CEP97: variants seen among roughly 807,000 people sequenced by gnomAD.
CEP97 encodes centrosomal protein 97, also known as centrosomal protein of 97 kDa.
CEP97 carries 43 observed loss-of-function variants against 73.1 expected under a neutral mutation model. The observed-to-expected ratio is 0.59, with a 90% CI of 0.46 to 0.76. The LOEUF (loss-of-function observed/expected upper bound fraction) is 0.76, where lower values mean the gene tolerates loss of function less well. Ranked by LOEUF, CEP97 falls within the 30% of genes least tolerant of loss-of-function variation. CEP97 has a pLI of 0.00. For missense variants in CEP97, 939 were observed against 1,014.0 expected, an observed-to-expected ratio of 0.93 and a Z score of 1.00; for synonymous variants, 337 against 370.0, an observed-to-expected ratio of 0.91 and a Z score of 1.02.
At position 101,742,733 on chromosome 3, in the gene CEP97, T is replaced by A. The variant is rs1430399738; in HGVS notation, c.728+10079T>A. The stretch of plus-strand genomic sequence containing the variant: ...CAAGTATCCCAGAACTTAAAGTATT[T>A]AAAAAAAAAAAAAAAGTGTGGGAAG... On this transcript the variant is annotated intron_variant, in intron 6 of 10. Coordinates refer to ENST00000341893, the MANE Select transcript of CEP97 (RefSeq NM_024548.4). Among the ~76,000 whole-genome samples, 59 of 133,500 alleles carry A rather than the reference T, an allele frequency of 4.4e-4. No individual in the cohort carries two copies. In the South Asian group the frequency reaches 8.7e-3, roughly 20 times the overall value. The allele number at this position is 133,500 out of a possible 152,430, so 87.6% of individuals were successfully genotyped here.
Position 101,768,745 on chromosome 3 carries a change from G to A in CEP97, c.*3194G>A, listed in dbSNP as rs1206797441. 12 of 152,270 alleles carry A rather than the reference G, an allele frequency of 7.9e-5. No individual in the cohort carries two copies. The highest frequency in any genetic ancestry group is 7.2e-4 in the Admixed American group (11 of 15,298). 9.4% of individuals were successfully genotyped at this position (152,270 alleles called of 1,614,324 possible). On this transcript the variant is annotated 3_prime_UTR_variant, in exon 11 of 11. Coordinates refer to ENST00000341893, the MANE Select transcript of CEP97 (RefSeq NM_024548.4). The stretch of plus-strand genomic sequence containing the variant: ...TTATTTGACGACAGGCAGTATGACA[G>A]GTTGCTGAGGTATATAAAATTTTCT...
In CEP97 at chr3:101,758,398, G is replaced by A; in HGVS notation, c.1792G>A (p.Val598Ile). The stretch of plus-strand genomic sequence containing the variant: ...GCTACGCAGAATGCAAGAGCACATT[G>A]TCTGCTTAACTGATGAAATAAGGAG... ...IRLRRMQEHI[V>I]CLTDEIRRLR... Residue 598 changes from valine (V) to isoleucine (I), a missense_variant, in exon 9 of 11, where the codon GTC becomes ATC. By Grantham distance (29) the Val-to-Ile change is conservative (BLOSUM62 3). Transcript: ENST00000341893. 2 of 1,614,124 alleles carry A rather than the reference G, an allele frequency of 1.2e-6. No individual in the cohort carries two copies. The highest frequency in any genetic ancestry group is 1.7e-6 in the Non-Finnish European group (2 of 1,180,034).
At position 101,731,864 on chromosome 3, in the gene CEP97, ATCACCTC is replaced by A; in HGVS notation, c.475_481del (p.Thr159LeufsTer25). The A allele has an allele frequency of 6.2e-7, 1 of 1,603,834 alleles. No homozygotes were observed. Among genetic ancestry groups the A allele is most frequent in the Non-Finnish European group, 8.5e-7 (1 of 1,171,210 alleles). ...GACCCTGCTTTTACATGGAAACATCATCACCTCTCTTAGAATGGCACCTGCTTACCTA... is the reference window on the plus strand; with the variant it reads ...GACCCTGCTTTTACATGGAAACATCATCTTAGAATGGCACCTGCTTACCTA... On this transcript the variant is annotated frameshift_variant, in exon 5 of 11. Coordinates refer to ENST00000341893, the MANE Select transcript of CEP97 (RefSeq NM_024548.4). LOFTEE classifies it high-confidence loss of function.
At chr3:101,734,541 GTA>G (rs1938215657) in intron 6 of CEP97, among the ~76,000 whole-genome samples, 1 of 152,102 alleles carries the variant, frequency 6.6e-6, no homozygotes, top group Non-Finnish European at 1.5e-5. Flanking sequence ...CTGCTGTTTT[GTA>G]TAGTTTCTGA....
intron 4 of CEP97, among the ~76,000 whole-genome samples, chr3:101,729,204 G>A (rs546057841): frequency 6.6e-6 from 1 of 152,148 alleles, no homozygotes; most frequent in Non-Finnish European, 1.5e-5. Flanking sequence ...AATTAGTGGG[G>A]CATAGTGGTG....
intron 6 of CEP97, among the ~76,000 whole-genome samples, chr3:101,747,661 AT>A (rs978645930): frequency 6.7e-6 from 1 of 149,592 alleles, no homozygotes; most frequent in Non-Finnish European, 1.5e-5. Context: ...GGTTCAAGCA[AT>A]TCTCCTGCCT....
At position 101,761,221 on chromosome 3, in the gene CEP97, T is replaced by C. The variant is rs992309726; in HGVS notation, c.1818-1264T>C. The stretch of plus-strand genomic sequence containing the variant: ...AAGTGAAGGCAGGGGGGAAGGATCA[T>C]TGGACTGAAGGTCTAGATTGTTGCA... On this transcript the variant is annotated intron_variant, in intron 9 of 10. Coordinates refer to ENST00000341893, the MANE Select transcript of CEP97 (RefSeq NM_024548.4). Among the ~76,000 whole-genome samples, 13 of 152,092 alleles carry C rather than the reference T, an allele frequency of 8.5e-5. 1 individual carries two copies. The highest frequency in any genetic ancestry group is 1.9e-4 in the African/African-American group (8 of 41,424).
At chr3:101,751,274 G>C (rs1216776568) in intron 6 of CEP97, among the ~76,000 whole-genome samples, 1 of 152,208 alleles carries the variant, frequency 6.6e-6, no homozygotes, top group African/African-American at 2.4e-5. Context: ...TGTGGTCTGA[G>C]AGACAGTTTG....
rs770218202 is a variant in CEP97, at chr3:101,765,409, A to G, written c.2456A>G (p.Asp819Gly). Residue 819 changes from aspartate (D) to glycine (G), a missense_variant, in exon 11 of 11, where the codon GAT becomes GGT. Asp to Gly is a moderately conservative substitution (Grantham distance 94). Transcript: ENST00000341893. The stretch of plus-strand genomic sequence containing the variant: ...ACATTGTCTGACGGTGCTTCTGTAG[A>G]TGAGAGTCATGGCATATCTCCTCCT... ...LDTLSDGASV[D>G]ESHGISPPLQ... 6.2e-7 allele frequency: 1 copy of G among 1,614,196 alleles called. No homozygotes were observed. The highest frequency in any genetic ancestry group is 2.2e-5 in the East Asian group (1 of 44,876).
chr3:101,731,245 G>A (rs907376126), intron 4 of CEP97, among the ~76,000 whole-genome samples: 1 of 147,848 alleles, frequency 6.8e-6, no homozygotes, highest in Non-Finnish European at 1.5e-5. Flanking sequence ...CTGTCACCCA[G>A]GCTCGAGTGC....
intron 4 of CEP97, among the ~76,000 whole-genome samples, chr3:101,729,404 T>C (rs1348490017): frequency 6.6e-6 from 1 of 152,186 alleles, no homozygotes; most frequent in Non-Finnish European, 1.5e-5. Flanking sequence ...TTGTTAGTTA[T>C]ATAACTCATT....
In CEP97 at chr3:101,764,828, T is replaced by C. The variant is rs1167090354; in HGVS notation, c.1894-19T>C. Reference sequence around the variant, plus strand: ...AACACTTTTTATTTTATAATACAACTGTATTCTCTGGTTTATAGGTAAGGT... The same window carrying C: ...AACACTTTTTATTTTATAATACAACCGTATTCTCTGGTTTATAGGTAAGGT... On this transcript the variant is annotated intron_variant, in intron 10 of 10. Transcript: ENST00000341893. 4 of 1,562,788 alleles carry C rather than the reference T, an allele frequency of 2.6e-6. No homozygotes were observed. The African/African-American group carries it at 4.1e-5, about 16-fold the overall frequency.
chr3:101,756,978 C>A, intron 7 of CEP97, 85 bp from the exon 8 acceptor site: 2 of 1,292,226 alleles, frequency 1.5e-6, no homozygotes, highest in Non-Finnish European at 1.1e-6. Context: ...TAAACTTCTG[C>A]CTTTTTGACA....
chr3:101,738,565 A>C (rs1938354167), intron 6 of CEP97, among the ~76,000 whole-genome samples: 1 of 152,224 alleles, frequency 6.6e-6, no homozygotes, highest in Non-Finnish European at 1.5e-5. Flanking sequence ...ACGGAAACTG[A>C]ACAACCTCCT....
At chr3:101,734,504 C>T (rs1938214724) in intron 6 of CEP97, among the ~76,000 whole-genome samples, 1 of 152,150 alleles carries the variant, frequency 6.6e-6, no homozygotes, top group African/African-American at 2.4e-5. Context: ...TGGTAGATTA[C>T]AGACAGCGTC....
At chr3:101,741,261 T>G (rs1007836977) in intron 6 of CEP97, among the ~76,000 whole-genome samples, 1 of 152,116 alleles carries the variant, frequency 6.6e-6, no homozygotes, top group Non-Finnish European at 1.5e-5. Flanking sequence ...TATACAAAAA[T>G]TAACTCAAGA....
chr3:101,729,764 A>G (rs1938033173), intron 4 of CEP97, among the ~76,000 whole-genome samples: 1 of 150,650 alleles, frequency 6.6e-6, no homozygotes, highest in South Asian at 2.1e-4. Flanking sequence ...TAGAGATGAG[A>G]TCTTTTTCTT....
At chr3:101,732,280 C>T (rs1338113358) in intron 5 of CEP97, among the ~76,000 whole-genome samples, 2 of 152,182 alleles carry the variant, frequency 1.3e-5, no homozygotes, top group African/African-American at 2.4e-5. Flanking sequence ...TGCTAGGAAA[C>T]AGTGCTGATA....
rs1044417417 is a variant in CEP97, at chr3:101,727,252, T to C, written c.187-131T>C. 2.1e-5 allele frequency: 14 copies of C among 669,972 alleles called. No individual in the cohort carries two copies. In the African/African-American group the frequency reaches 2.2e-4, roughly 11 times the overall value. 41.5% of individuals were successfully genotyped at this position (669,972 alleles called of 1,614,324 possible). On this transcript the variant is annotated intron_variant, in intron 2 of 10. Coordinates refer to ENST00000341893, the MANE Select transcript of CEP97 (RefSeq NM_024548.4). ...GTCATACTGTAGAATATTTAGACAA[T>C]ATATGTGAAATGTACAAAAGGAGTT... is the stretch of plus-strand genomic sequence containing the variant.
Sources: gnomAD v4.1 joint callset for allele counts (sites outside exome capture counted in the v4.1 genomes callset) on GRCh38, gnomAD v4.1.1 for gene constraint, MANE v1.5 for transcripts, NCBI Gene and HGNC (gene_info 2026-07-23, HGNC 2026-07-21) for gene names.